Variants in DLG2 observed in about 807,000 individuals in gnomAD.
The protein encoded by DLG2 is disks large homolog 2.
DLG2 carries 45 observed loss-of-function variants against 132.5 expected under a neutral mutation model. The ratio of observed to expected loss-of-function variants is 0.34; its 90% CI spans 0.27 to 0.44. DLG2 has a LOEUF of 0.44. DLG2 is among the 20% of genes least tolerant of loss of function. The pLI is 1.00. For missense variants in DLG2, 1,045 were observed against 1,196.9 expected (o/e 0.87, Z 1.87); for synonymous variants, 424 against 419.6 (o/e 1.01, Z -0.13).
At chr11:85,611,113 G>A (rs764063233) in intron 2 of DLG2, among the ~76,000 whole-genome samples, 7 of 152,274 alleles carry the variant, frequency 4.6e-5, no homozygotes, top group South Asian at 2.1e-4. Context: ...GAGTCCTTAC[G>A]CAGGCTCATG....
At chr11:84,443,974 T>G (rs569056293) in intron 7 of DLG2, among the ~76,000 whole-genome samples, 1 of 152,104 alleles carries the variant, frequency 6.6e-6, no homozygotes, top group East Asian at 1.9e-4. Flanking sequence ...TCTAAGCAAT[T>G]TAAATGTTTT....
chr11:85,338,033 A>C (rs2082245449), intron 3 of DLG2, among the ~76,000 whole-genome samples: 1 of 152,232 alleles, frequency 6.6e-6, no homozygotes, highest in Admixed American at 6.5e-5. Context: ...TCAGAGTCAC[A>C]AAGTAATAAG....
At chr11:84,885,186 T>C (rs998195635) in intron 6 of DLG2, among the ~76,000 whole-genome samples, 1 of 152,070 alleles carries the variant, frequency 6.6e-6, no homozygotes, top group Non-Finnish European at 1.5e-5. Context: ...CTGGCAAAGG[T>C]TGTTTGCATA....
intron 3 of DLG2, among the ~76,000 whole-genome samples, chr11:85,503,390 A>G (rs974367543): frequency 6.6e-6 from 1 of 152,006 alleles, no homozygotes; most frequent in African/African-American, 2.4e-5. Flanking sequence ...TTCCTTTTCC[A>G]TTGCAGTTGA....
At chr11:83,930,836 C>T (rs1222316139) in intron 14 of DLG2, among the ~76,000 whole-genome samples, 2 of 152,202 alleles carry the variant, frequency 1.3e-5, no homozygotes, top group African/African-American at 4.8e-5. Context: ...GGAACACAGA[C>T]ATGATGGGTG....
At chr11:85,181,469 T>G (rs1292685974) in intron 4 of DLG2, among the ~76,000 whole-genome samples, 2 of 151,800 alleles carry the variant, frequency 1.3e-5, no homozygotes. Flanking sequence ...TAATTTTCTA[T>G]GACTTACTCT....
intron 11 of DLG2, among the ~76,000 whole-genome samples, chr11:83,983,524 T>C (rs1474100853): frequency 2.0e-5 from 3 of 152,098 alleles, no homozygotes; most frequent in Admixed American, 2.0e-4. Flanking sequence ...AAATAGTTAA[T>C]TGAAAAATGA....
At chr11:84,405,903 C>A (rs1480544803) in intron 7 of DLG2, among the ~76,000 whole-genome samples, 1 of 152,156 alleles carries the variant, frequency 6.6e-6, no homozygotes, top group Non-Finnish European at 1.5e-5. Flanking sequence ...TCCCTTACTT[C>A]TTTGCCTTAA....
intron 16 of DLG2, among the ~76,000 whole-genome samples, chr11:83,868,273 G>C (rs1450878760): frequency 6.6e-6 from 1 of 152,132 alleles, no homozygotes; most frequent in East Asian, 1.9e-4. Context: ...ATAAGGTTGG[G>C]ACTCTCAACC....
intron 15 of DLG2, among the ~76,000 whole-genome samples, chr11:83,926,991 T>C (rs1319753151): frequency 2.0e-5 from 3 of 152,122 alleles, no homozygotes; most frequent in East Asian, 1.9e-4. Context: ...ACCATAGACA[T>C]AGTTTATGGT....
chr11:83,466,976 A>C (rs1219497540), intron 25 of DLG2, among the ~76,000 whole-genome samples, 159 bp from the exon 26 acceptor site: 1 of 152,212 alleles, frequency 6.6e-6, no homozygotes, highest in Non-Finnish European at 1.5e-5. Flanking sequence ...AAATCGATAT[A>C]TAGGGTCATC....
intron 18 of DLG2, among the ~76,000 whole-genome samples, chr11:83,753,514 T>G (rs1054243783): frequency 6.6e-6 from 1 of 151,636 alleles, no homozygotes; most frequent in African/African-American, 2.4e-5. Flanking sequence ...CTATACTGTA[T>G]AGCATAGTAG....
Position 85,488,079 on chromosome 11 carries a change from C to A in DLG2, c.40+110578G>T, listed in dbSNP as rs2093471346. On this transcript the variant is annotated intron_variant, in intron 3 of 27. Transcript: ENST00000376104. ...GCTTTTGCATCTTCCTCATTTTTCT[C>A]TTGACACTGACATGTAAGAAGTGCC... Among the ~76,000 whole-genome samples, 3 of 152,174 alleles carry A rather than the reference C, an allele frequency of 2.0e-5. No homozygotes were observed. In the South Asian group the frequency reaches 6.2e-4, roughly 32 times the overall value.
chr11:85,409,938 C>A (rs942232616), intron 3 of DLG2, among the ~76,000 whole-genome samples: 13 of 151,584 alleles, frequency 8.6e-5, no homozygotes, highest in African/African-American at 3.1e-4. Flanking sequence ...GAACTGTGAC[C>A]GAATATAACA....
At chr11:84,368,190 C>T (rs796505907) in intron 7 of DLG2, among the ~76,000 whole-genome samples, 1 of 152,102 alleles carries the variant, frequency 6.6e-6, no homozygotes, top group African/African-American at 2.4e-5. Context: ...TTCAATGGGA[C>T]AGAAGGTTTG....
At chr11:85,595,203 T>C (rs981765162) in intron 3 of DLG2, among the ~76,000 whole-genome samples, 1 of 152,136 alleles carries the variant, frequency 6.6e-6, no homozygotes, top group African/African-American at 2.4e-5. Context: ...TTACATATTC[T>C]AAATTAATTT....
At chr11:85,390,664 A>G (rs911109858) in intron 3 of DLG2, among the ~76,000 whole-genome samples, 4 of 152,166 alleles carry the variant, frequency 2.6e-5, no homozygotes, top group African/African-American at 9.6e-5. Context: ...ATACATAAAA[A>G]TTAAATAATA....
chr11:83,658,706 T>C (rs964570550), intron 18 of DLG2, among the ~76,000 whole-genome samples: 1 of 152,206 alleles, frequency 6.6e-6, no homozygotes, highest in Non-Finnish European at 1.5e-5. Flanking sequence ...CTTGGAAAAA[T>C]AGCTTATCTT....
intron 26 of DLG2, among the ~76,000 whole-genome samples, chr11:83,465,547 T>C (rs576138549): frequency 2.6e-5 from 4 of 152,324 alleles, no homozygotes; most frequent in East Asian, 1.9e-4. Flanking sequence ...GACAGACACA[T>C]TGGCATTATC....
Sources: gnomAD v4.1 joint callset for allele counts (sites outside exome capture counted in the v4.1 genomes callset) on GRCh38, gnomAD v4.1.1 for gene constraint, MANE v1.5 for transcripts, NCBI Gene and HGNC (gene_info 2026-07-23, HGNC 2026-07-21) for gene names.